ARID5B: variants seen among roughly 807,000 people sequenced by gnomAD.
ARID5B encodes the protein AT-rich interaction domain 5B, also known as AT-rich interactive domain-containing protein 5B.
Under a neutral mutation model 97.2 loss-of-function variants are expected in ARID5B, and 13 were observed. That is an observed-to-expected ratio of 0.13 (90% CI 0.09 to 0.21). The LOEUF is 0.21. ARID5B is among the 10% of genes least tolerant of loss of function. The pLI, the probability that ARID5B is intolerant of heterozygous loss-of-function variation, is 1.00. For synonymous variants in ARID5B, 556 were observed against 570.3 expected (o/e 0.97, Z 0.36); for missense variants, 1,210 against 1,465.3 (o/e 0.83, Z 2.84).
chr10:62,084,649 A>C (rs1228370333), intron 8 of ARID5B, among the ~76,000 whole-genome samples: 1 of 152,248 alleles, frequency 6.6e-6, no homozygotes, highest in East Asian at 1.9e-4. Flanking sequence ...CTGAAGTTGA[A>C]ACTGAGATTG....
At chr10:62,087,116 G>A (rs891581521) in intron 9 of ARID5B, among the ~76,000 whole-genome samples, 1 of 151,564 alleles carries the variant, frequency 6.6e-6, no homozygotes, top group South Asian at 2.1e-4. Context: ...TGGCTAATAC[G>A]GTAAAACCCC....
intron 3 of ARID5B, among the ~76,000 whole-genome samples, chr10:61,989,828 G>A (rs1309359859): frequency 6.6e-6 from 1 of 152,108 alleles, no homozygotes; most frequent in East Asian, 1.9e-4. Flanking sequence ...TGTGCAAAAA[G>A]GGAAAGATCA....
chr10:61,915,069 G>A (rs1448895045), intron 2 of ARID5B, among the ~76,000 whole-genome samples: 2 of 152,172 alleles, frequency 1.3e-5, no homozygotes, highest in South Asian at 2.1e-4. Flanking sequence ...TTAGGGACTT[G>A]CACAGTTGAC....
intron 4 of ARID5B, among the ~76,000 whole-genome samples, chr10:62,010,345 G>T (rs749834230): frequency 1.3e-5 from 2 of 152,162 alleles, no homozygotes; most frequent in Non-Finnish European, 2.9e-5. Flanking sequence ...CTTTTTCAAA[G>T]ATGTTTTTCC....
chr10:61,920,847 G>A (rs1000587399), intron 2 of ARID5B, among the ~76,000 whole-genome samples: 2 of 152,106 alleles, frequency 1.3e-5, no homozygotes, highest in African/African-American at 4.8e-5. Context: ...CTAGTTAGAG[G>A]AGATCAAACA....
chr10:61,962,043 C>T (rs900438996), intron 3 of ARID5B, among the ~76,000 whole-genome samples: 3 of 152,212 alleles, frequency 2.0e-5, no homozygotes, highest in Admixed American at 1.3e-4. Flanking sequence ...GCCATCGCAC[C>T]CGGCCTTCTC....
chr10:62,032,634 G>A (rs1839512040), intron 4 of ARID5B, among the ~76,000 whole-genome samples: 1 of 152,212 alleles, frequency 6.6e-6, no homozygotes, highest in Admixed American at 6.5e-5. Context: ...AGAATCGCTT[G>A]AACCCAGGAG....
chr10:61,970,972 A>AGTGTGTGTGT (rs55961997), intron 3 of ARID5B, among the ~76,000 whole-genome samples: 2,145 of 150,296 alleles, frequency 0.014, 52 homozygotes, highest in African/African-American at 0.048. Flanking sequence ...TTGCTTTTAA[A>AGTGTGTGTGT]GTGTGTGTGT....
chr10:62,083,510 C>T (rs1000050866), intron 8 of ARID5B, among the ~76,000 whole-genome samples: 32 of 152,220 alleles, frequency 2.1e-4, no homozygotes, highest in African/African-American at 7.7e-4. Flanking sequence ...CCCTCCTCCT[C>T]CTTCCCACAC....
At chr10:62,067,631 G>A (rs1455685658) in intron 7 of ARID5B, among the ~76,000 whole-genome samples, 3 of 152,196 alleles carry the variant, frequency 2.0e-5, no homozygotes, top group Non-Finnish European at 4.4e-5. Context: ...CTTGTTACAA[G>A]CATGGGCTAT....
intron 4 of ARID5B, chr10:62,049,162 A>G (rs1839751092): frequency 1.6e-6 from 2 of 1,243,610 alleles, no homozygotes; most frequent in African/African-American, 3.1e-5. Context: ...AGGATCCACA[A>G]AACAGGCCGG....
At position 61,986,367 on chromosome 10, in the gene ARID5B, A is replaced by T. The variant is rs184998499; in HGVS notation, c.503-13724A>T. 3.9e-5 allele frequency among the ~76,000 whole-genome samples: 6 copies of T among 152,324 alleles called. No homozygotes were observed. In the East Asian group the frequency reaches 1.2e-3, roughly 29 times the overall value. ...GGGAGTGTTATACAGATGAGTGATT[A>T]TACCATGCATAATAAACTATTTGTA... On this transcript the variant is annotated intron_variant, in intron 3 of 9. Transcript: ENST00000279873.
At chr10:61,996,749 G>C (rs2132862631) in intron 3 of ARID5B, among the ~76,000 whole-genome samples, 1 of 151,884 alleles carries the variant, frequency 6.6e-6, no homozygotes, top group South Asian at 2.1e-4. Flanking sequence ...TAGTTAAGAG[G>C]GCTTTTAAAA....
chr10:62,049,371 G>A, intron 4 of ARID5B: 1 of 1,547,146 alleles, frequency 6.5e-7, no homozygotes, highest in East Asian at 2.4e-5. Flanking sequence ...TCGGAGGGAA[G>A]CTGACATCCA....
intron 3 of ARID5B, among the ~76,000 whole-genome samples, chr10:61,948,380 ATTTTTTT>A (rs71470784): frequency 2.3e-5 from 2 of 86,222 alleles, no homozygotes; most frequent in Non-Finnish European, 4.4e-5. Flanking sequence ...ACTTTAGGTA[ATTTTTTT>A]TTTTTTTTTT....
chr10:61,905,595 G>C (rs1358239154), intron 2 of ARID5B, among the ~76,000 whole-genome samples: 3 of 152,108 alleles, frequency 2.0e-5, no homozygotes, highest in Non-Finnish European at 4.4e-5. Context: ...CTAGAACCCA[G>C]GCCTCCTTGA....
intron 8 of ARID5B, among the ~76,000 whole-genome samples, chr10:62,080,343 G>C (rs946827118): frequency 6.6e-6 from 1 of 152,142 alleles, no homozygotes; most frequent in African/African-American, 2.4e-5. Context: ...CTTTTACTGT[G>C]CTCAACCAGG....
intron 8 of ARID5B, among the ~76,000 whole-genome samples, chr10:62,079,573 G>A (rs1312636560): frequency 3.3e-5 from 5 of 152,162 alleles, no homozygotes; most frequent in Non-Finnish European, 5.9e-5. Flanking sequence ...TGTAACTCCA[G>A]TTCAGGAAAG....
intron 3 of ARID5B, among the ~76,000 whole-genome samples, chr10:61,973,387 G>C (rs1049062892): frequency 6.6e-6 from 1 of 152,198 alleles, no homozygotes; most frequent in Non-Finnish European, 1.5e-5. Context: ...TCACAATGCT[G>C]ATATCAGGGG....
Sources: gnomAD v4.1 joint callset for allele counts (sites outside exome capture counted in the v4.1 genomes callset) on GRCh38, gnomAD v4.1.1 for gene constraint, MANE v1.5 for transcripts, NCBI Gene and HGNC (gene_info 2026-07-23, HGNC 2026-07-21) for gene names.